SERGEF: variants seen among roughly 807,000 people sequenced by gnomAD.
The protein encoded by SERGEF is secretion-regulating guanine nucleotide exchange factor.
Under a neutral mutation model 50.0 loss-of-function variants are expected in SERGEF, and 51 were observed. The ratio of observed to expected loss-of-function variants is 1.02; its 90% CI spans 0.81 to 1.29. The LOEUF (loss-of-function observed/expected upper bound fraction) is 1.29. Ranked by LOEUF, SERGEF falls within the 50% of genes most tolerant of loss-of-function variation. The pLI, the probability that SERGEF is intolerant of heterozygous loss-of-function variation, is 0.00. For synonymous variants in SERGEF, 205 were observed against 212.4 expected, an observed-to-expected ratio of 0.97 and a Z score of 0.30; for missense variants, 521 against 557.0, an observed-to-expected ratio of 0.94 and a Z score of 0.65.
chr11:17,961,872 C>T (rs1001186358), intron 8 of SERGEF, among the ~76,000 whole-genome samples: 2 of 152,108 alleles, frequency 1.3e-5, no homozygotes, highest in Non-Finnish European at 2.9e-5. Context: ...CAGAAGAGAC[C>T]CTTTTATTTT....
chr11:17,943,329 T>C (rs552934911), intron 9 of SERGEF, among the ~76,000 whole-genome samples: 1 of 152,286 alleles, frequency 6.6e-6, no homozygotes, highest in East Asian at 1.9e-4. Context: ...CAAAAATTAA[T>C]CCATTTTATC....
chr11:17,950,107 C>T (rs2133963380), intron 9 of SERGEF, among the ~76,000 whole-genome samples: 1 of 152,262 alleles, frequency 6.6e-6, no homozygotes. Context: ...TATGAAAATC[C>T]AGAGATTTTA....
At chr11:17,807,383 A>G (rs2158395) in intron 10 of SERGEF, among the ~76,000 whole-genome samples, 54,055 of 152,006 alleles carry the variant, frequency 0.36, 9,928 homozygotes, top group South Asian at 0.44. Flanking sequence ...ACAACCCATT[A>G]ATGGACAAGC....
At chr11:17,815,476 G>C (rs569760061) in intron 10 of SERGEF, among the ~76,000 whole-genome samples, 3 of 151,544 alleles carry the variant, frequency 2.0e-5, no homozygotes, top group Non-Finnish European at 4.4e-5. Context: ...TTAGCCGGGC[G>C]TGGTGGCACA....
At chr11:18,012,388 G>T in intron 1 of SERGEF, 1 of 664,748 alleles carries the variant, frequency 1.5e-6, no homozygotes, top group Non-Finnish European at 1.9e-6. Flanking sequence ...CAATGCTCCC[G>T]TCAAACCAAC....
At chr11:17,880,109 T>C (rs779340968) in intron 9 of SERGEF, among the ~76,000 whole-genome samples, 1 of 152,188 alleles carries the variant, frequency 6.6e-6, no homozygotes, top group Non-Finnish European at 1.5e-5. Context: ...AAGCTGTGCT[T>C]CCCAGATCCC....
chr11:17,989,733 A>G (rs1258406916), intron 7 of SERGEF, among the ~76,000 whole-genome samples: 5 of 152,224 alleles, frequency 3.3e-5, no homozygotes, highest in Admixed American at 6.5e-5. Context: ...TGTGGCTATT[A>G]AACACTTGAA....
At chr11:17,910,388 A>G (rs7943661) in intron 9 of SERGEF, among the ~76,000 whole-genome samples, 11,350 of 152,152 alleles carry the variant, frequency 0.075, 525 homozygotes, top group African/African-American at 0.12. Flanking sequence ...AGTTAGGACT[A>G]CAGGCATGTG....
intron 8 of SERGEF, among the ~76,000 whole-genome samples, chr11:17,986,440 T>C (rs1399405256): frequency 2.0e-5 from 3 of 152,124 alleles, no homozygotes; most frequent in South Asian, 4.1e-4. Context: ...GCTAAGTAAA[T>C]AGCTGAAACG....
At chr11:17,843,743 G>C (rs1160749295) in intron 10 of SERGEF, among the ~76,000 whole-genome samples, 1 of 152,104 alleles carries the variant, frequency 6.6e-6, no homozygotes, top group Admixed American at 6.5e-5. Flanking sequence ...TGGAGGACGG[G>C]GATAAAGAGA....
intron 4 of SERGEF, among the ~76,000 whole-genome samples, chr11:18,004,128 T>C (rs926631149): frequency 1.3e-5 from 2 of 152,228 alleles, no homozygotes; most frequent in African/African-American, 4.8e-5. Context: ...TCTGGACCTA[T>C]TTCTAACATA....
chr11:17,871,856 A>C (rs1295466497), intron 10 of SERGEF, among the ~76,000 whole-genome samples: 1 of 152,222 alleles, frequency 6.6e-6, no homozygotes, highest in Non-Finnish European at 1.5e-5. Flanking sequence ...AATTGGTGCA[A>C]CTACTTTAAA....
intron 9 of SERGEF, among the ~76,000 whole-genome samples, chr11:17,896,876 GGGAAGGGAA>G (rs1851654203): frequency 2.4e-4 from 4 of 16,662 alleles, no homozygotes; most frequent in Non-Finnish European, 2.6e-4. Flanking sequence ...GGGAAGGGAA[GGGAAGGGAA>G]GGGAAGGGAA....
chr11:17,848,097 G>A (rs1041856006), intron 10 of SERGEF, among the ~76,000 whole-genome samples: 1 of 152,162 alleles, frequency 6.6e-6, no homozygotes, highest in African/African-American at 2.4e-5. Context: ...TAAATGCCAG[G>A]CCCTTTGCTG....
At chr11:17,911,562 A>G (rs1851954190) in intron 9 of SERGEF, among the ~76,000 whole-genome samples, 1 of 151,654 alleles carries the variant, frequency 6.6e-6, no homozygotes, top group South Asian at 2.1e-4. Flanking sequence ...ACGATGGCTC[A>G]CTGTAATCTC....
At chr11:17,902,620 A>T (rs1291781954) in intron 9 of SERGEF, among the ~76,000 whole-genome samples, 2 of 152,234 alleles carry the variant, frequency 1.3e-5, no homozygotes, top group Non-Finnish European at 2.9e-5. Flanking sequence ...CAGCACATGT[A>T]CAAAGAACAT....
At chr11:17,868,824 C>T (rs1851079652) in intron 10 of SERGEF, among the ~76,000 whole-genome samples, 2 of 152,090 alleles carry the variant, frequency 1.3e-5, no homozygotes, top group South Asian at 4.2e-4. Flanking sequence ...AGGGAAACTC[C>T]CCTTTTTAAA....
At chr11:17,984,153 G>C (rs920230846) in intron 8 of SERGEF, among the ~76,000 whole-genome samples, 3 of 152,174 alleles carry the variant, frequency 2.0e-5, no homozygotes, top group Admixed American at 6.5e-5. Flanking sequence ...ATGAAGAATG[G>C]GTTGGAGGGG....
intron 10 of SERGEF, among the ~76,000 whole-genome samples, chr11:17,813,000 G>C (rs1042820455): frequency 1.9e-4 from 29 of 152,262 alleles, no homozygotes; most frequent in Non-Finnish European, 2.9e-5. Flanking sequence ...ACAGGACTGT[G>C]TGCTCTTCCC....
Sources: gnomAD v4.1 joint callset for allele counts (sites outside exome capture counted in the v4.1 genomes callset) on GRCh38, gnomAD v4.1.1 for gene constraint, MANE v1.5 for transcripts, NCBI Gene and HGNC (gene_info 2026-07-23, HGNC 2026-07-21) for gene names.